CSMD1: variants seen among roughly 807,000 people sequenced by gnomAD.
CSMD1 encodes the protein CUB and sushi domain-containing protein 1.
CSMD1 carries 213 observed loss-of-function variants against 417.5 expected under a neutral mutation model. The observed-to-expected ratio is 0.51, with a 90% confidence interval of 0.46 to 0.57. The LOEUF is 0.57. Among genes scored for constraint, CSMD1 ranks in the 20% least tolerant of loss-of-function variants. The pLI is 0.00. For synonymous variants in CSMD1, 2,862 were observed against 1,736.8 expected (o/e 1.65, Z -16.11); for missense variants, 6,923 against 4,529.7 (o/e 1.53, Z -15.17).
intron 2 of CSMD1, among the ~76,000 whole-genome samples, chr8:4,619,807 T>C (rs1801668951): frequency 6.6e-6 from 1 of 152,108 alleles, no homozygotes; most frequent in Admixed American, 6.6e-5. Context: ...ACATAGCACA[T>C]ATCAGTTGAA....
At chr8:3,953,734 A>G (rs1811738802) in intron 5 of CSMD1, among the ~76,000 whole-genome samples, 1 of 152,036 alleles carries the variant, frequency 6.6e-6, no homozygotes, top group Non-Finnish European at 1.5e-5. Context: ...AGCTTCCCCC[A>G]CAGAGCCCCT....
chr8:2,950,388 T>A (rs991813033), intron 66 of CSMD1, 45 bp from the exon 67 acceptor site: 1 of 1,155,748 alleles, frequency 8.7e-7, no homozygotes, highest in Non-Finnish European at 1.3e-6. Context: ...AGAAAGTTAG[T>A]AATTCAGCCC....
chr8:4,081,039 A>C (rs912311660), intron 3 of CSMD1, among the ~76,000 whole-genome samples: 7 of 152,070 alleles, frequency 4.6e-5, no homozygotes, highest in Admixed American at 2.6e-4. Context: ...CCATGGAGGG[A>C]CACAAAGTTC....
intron 3 of CSMD1, among the ~76,000 whole-genome samples, chr8:4,104,002 C>G (rs535298761): frequency 6.6e-6 from 1 of 152,308 alleles, no homozygotes; most frequent in South Asian, 2.1e-4. Flanking sequence ...GCCCCAGCTG[C>G]ACACCTGCAC....
chr8:4,441,101 T>TTTTTTTTTTTTTTTTTG (rs1798448898), intron 2 of CSMD1, among the ~76,000 whole-genome samples: 1 of 109,514 alleles, frequency 9.1e-6, no homozygotes, highest in East Asian at 3.0e-4. Flanking sequence ...AAAGGTTTTT[T>TTTTTTTTTTTTTTTTTG]TTTTTTTTTT....
intron 1 of CSMD1, among the ~76,000 whole-genome samples, chr8:4,690,874 G>T (rs911445587): frequency 3.3e-5 from 5 of 152,130 alleles, no homozygotes; most frequent in Non-Finnish European, 5.9e-5. Flanking sequence ...GACTATAGGT[G>T]CATGTCACCA....
Position 3,308,320 on chromosome 8 carries a change from G to A in CSMD1, c.3815C>T (p.Ser1272Leu), listed in dbSNP as rs371526159. Reference sequence around the variant, plus strand: ...ACTGCTTCCACACTCACCTATGCACGAAGGTAGTGGTTTGTCCCACACTCT... The same window carrying A: ...ACTGCTTCCACACTCACCTATGCACAAAGGTAGTGGTTTGTCCCACACTCT... ...DRRVWDKPLP[S>L]CIAECGGQIH... The change falls in exon 24 of 70, where the codon TCG (serine) becomes TTG (leucine). Residue 1272 changes from serine to leucine, a missense_variant. Coordinates refer to ENST00000635120, the MANE Select transcript of CSMD1 (RefSeq NM_033225.6). The A allele has an allele frequency of 2.1e-5, 34 of 1,607,238 alleles. No homozygotes were observed. Among genetic ancestry groups the A allele is most frequent in the Admixed American group, 1.0e-4 (6 of 59,900 alleles).
chr8:4,095,879 G>T (rs945897667), intron 3 of CSMD1, among the ~76,000 whole-genome samples: 1 of 152,136 alleles, frequency 6.6e-6, no homozygotes, highest in Non-Finnish European at 1.5e-5. Flanking sequence ...AACTATCAAT[G>T]TTAAGAGTAG....
chr8:4,030,167 T>G (rs1471629266), intron 4 of CSMD1, among the ~76,000 whole-genome samples: 1 of 149,794 alleles, frequency 6.7e-6, no homozygotes, highest in African/African-American at 2.5e-5. Flanking sequence ...CATTCTGGAG[T>G]CTGAAGGATG....
intron 5 of CSMD1, among the ~76,000 whole-genome samples, chr8:3,908,940 C>A (rs1563200572): frequency 6.6e-6 from 1 of 152,234 alleles, no homozygotes. Context: ...CGCTGGCAAA[C>A]AGGGCTCCTT....
intron 12 of CSMD1, among the ~76,000 whole-genome samples, chr8:3,430,579 G>C (rs1413060870): frequency 2.6e-5 from 4 of 152,128 alleles, no homozygotes; most frequent in Non-Finnish European, 5.9e-5. Flanking sequence ...AGCTGAAGCG[G>C]GTGGATCATT....
At chr8:4,955,015 G>A (rs1256902678) in intron 1 of CSMD1, among the ~76,000 whole-genome samples, 1 of 152,150 alleles carries the variant, frequency 6.6e-6, no homozygotes, top group South Asian at 2.1e-4. Context: ...TCTTAGACGA[G>A]AAAGCCAGCT....
chr8:3,676,898 C>T (rs1405631839), intron 7 of CSMD1, among the ~76,000 whole-genome samples: 1 of 151,904 alleles, frequency 6.6e-6, no homozygotes, highest in African/African-American at 2.4e-5. Flanking sequence ...CAAATTAACA[C>T]AAGAACAGAA....
intron 1 of CSMD1, among the ~76,000 whole-genome samples, chr8:4,775,724 G>C (rs988785231): frequency 1.3e-5 from 2 of 152,176 alleles, no homozygotes; most frequent in African/African-American, 4.8e-5. Flanking sequence ...GTGGGGATGG[G>C]ATATCTCCAG....
chr8:3,858,133 T>C (rs1804443883), intron 5 of CSMD1, among the ~76,000 whole-genome samples: 2 of 152,244 alleles, frequency 1.3e-5, no homozygotes, highest in South Asian at 4.1e-4. Flanking sequence ...ATCTTAGCTA[T>C]CTCTCACTAG....
intron 22 of CSMD1, 144 bp from the exon 23 acceptor site, chr8:3,343,594 G>T: frequency 1.2e-5 from 8 of 675,610 alleles, no homozygotes; most frequent in Non-Finnish European, 2.4e-6. Flanking sequence ...ATAAATGAAG[G>T]ACTTAGAGCT....
intron 7 of CSMD1, among the ~76,000 whole-genome samples, chr8:3,662,592 TCTACATC>T (rs1304161915): frequency 1.3e-5 from 2 of 152,194 alleles, no homozygotes; most frequent in African/African-American, 4.8e-5. Flanking sequence ...TGTTTCTGGT[TCTACATC>T]CTTGAAGAAT....
At chr8:4,947,789 A>T (rs1254352762) in intron 1 of CSMD1, among the ~76,000 whole-genome samples, 1 of 152,148 alleles carries the variant, frequency 6.6e-6, no homozygotes, top group Non-Finnish European at 1.5e-5. Flanking sequence ...TTTTTCAAAC[A>T]AAAATATGTT....
intron 10 of CSMD1, among the ~76,000 whole-genome samples, chr8:3,573,569 A>G (rs1800028262): frequency 6.6e-6 from 1 of 152,172 alleles, no homozygotes; most frequent in African/African-American, 2.4e-5. Context: ...CATAAATAAT[A>G]ACTGAGATTT....
Sources: gnomAD v4.1 joint callset for allele counts (sites outside exome capture counted in the v4.1 genomes callset) on GRCh38, gnomAD v4.1.1 for gene constraint, MANE v1.5 for transcripts, NCBI Gene and HGNC (gene_info 2026-07-23, HGNC 2026-07-21) for gene names.